The following PTPN13 variants were observed in gnomAD, a reference collection of about 807,000 sequenced individuals.
The protein encoded by PTPN13 is protein tyrosine phosphatase non-receptor type 13.
Under a neutral mutation model 284.0 loss-of-function variants are expected in PTPN13, and 191 were observed. The ratio of observed to expected loss-of-function variants is 0.67; its 90% CI spans 0.60 to 0.76. The LOEUF (loss-of-function observed/expected upper bound fraction) is 0.76. Ranked by LOEUF, PTPN13 falls within the 30% of genes least tolerant of loss-of-function variation. The probability of loss-of-function intolerance (pLI) is 0.00; values close to 1 mark genes in which losing one functional copy is unlikely to be tolerated. For missense variants in PTPN13, 2,797 were observed against 2,939.9 expected (o/e 0.95, Z 1.12); for synonymous variants, 986 against 1,022.3 (o/e 0.96, Z 0.68).
intron 23 of PTPN13, among the ~76,000 whole-genome samples, chr4:86,760,969 T>C (rs1738599153): frequency 6.6e-6 from 1 of 151,690 alleles, no homozygotes; most frequent in Non-Finnish European, 1.5e-5. Context: ...TGTTTGCTAA[T>C]TTTTAAAGTT....
chr4:86,595,851 G>C (rs1763704204), intron 1 of PTPN13: 1 of 725,614 alleles, frequency 1.4e-6, no homozygotes, highest in African/African-American at 1.9e-5. Context: ...AGGATGGGGG[G>C]GGGAGTAAAA....
At chr4:86,784,671 G>A in intron 38 of PTPN13, 113 bp downstream of exon 38, 2 of 663,570 alleles carry the variant, frequency 3.0e-6, no homozygotes, top group East Asian at 3.0e-5. Context: ...AGCTTTAAAG[G>A]GAAAGATTAT....
chr4:86,596,162 A>T (rs1336073164), intron 1 of PTPN13, among the ~76,000 whole-genome samples: 1 of 152,112 alleles, frequency 6.6e-6, no homozygotes, highest in Non-Finnish European at 1.5e-5. Context: ...TGGGGAGAGG[A>T]TAGGATGGAA....
intron 45 of PTPN13, 149 bp from the exon 46 acceptor site, chr4:86,809,620 G>A: frequency 1.5e-6 from 1 of 649,934 alleles, no homozygotes; most frequent in Non-Finnish European, 2.7e-6. Flanking sequence ...GAACCTGGGA[G>A]GCGGAGGCTG....
At chr4:86,699,533 A>G (rs1012262032) in intron 6 of PTPN13, among the ~76,000 whole-genome samples, 2 of 152,234 alleles carry the variant, frequency 1.3e-5, no homozygotes, top group African/African-American at 2.4e-5. Flanking sequence ...AATGTGGAGA[A>G]TGAGGAAAAG....
chr4:86,700,589 T>G (rs1390382364), intron 6 of PTPN13, among the ~76,000 whole-genome samples: 2 of 152,136 alleles, frequency 1.3e-5, no homozygotes, highest in African/African-American at 4.8e-5. Context: ...GGAAAAAACT[T>G]TTTTAGTGCA....
At chr4:86,744,291 A>C (rs1448836697) in intron 16 of PTPN13, among the ~76,000 whole-genome samples, 1 of 152,186 alleles carries the variant, frequency 6.6e-6, no homozygotes, top group African/African-American at 2.4e-5. Flanking sequence ...TTAATAAAAA[A>C]ATTATTGTTA....
chr4:86,748,888 C>T (rs1169667376), intron 17 of PTPN13, among the ~76,000 whole-genome samples: 6 of 152,168 alleles, frequency 3.9e-5, no homozygotes, highest in African/African-American at 1.4e-4. Flanking sequence ...ATCTCCTGAC[C>T]TCATGATCCG....
chr4:86,630,344 T>C (rs1310547523), intron 1 of PTPN13, among the ~76,000 whole-genome samples: 1 of 152,188 alleles, frequency 6.6e-6, no homozygotes, highest in Non-Finnish European at 1.5e-5. Context: ...AAGGGTCTCT[T>C]GTATGTTCCA....
chr4:86,705,333 C>CAAAAAAAAAA (rs759784072), intron 7 of PTPN13, among the ~76,000 whole-genome samples: 16 of 95,300 alleles, frequency 1.7e-4, no homozygotes, highest in African/African-American at 4.4e-4. Context: ...GACTCCGTCT[C>CAAAAAAAAAA]AAAAAAAAAA....
intron 15 of PTPN13, among the ~76,000 whole-genome samples, chr4:86,738,618 T>C (rs1165631645): frequency 6.6e-6 from 1 of 152,222 alleles, no homozygotes; most frequent in East Asian, 1.9e-4. Flanking sequence ...ACAAGTCTTT[T>C]ATCAGATATG....
intron 2 of PTPN13, among the ~76,000 whole-genome samples, chr4:86,651,043 G>C (rs546933967): frequency 6.6e-6 from 1 of 152,252 alleles, no homozygotes; most frequent in Admixed American, 6.5e-5. Flanking sequence ...TATAATACTA[G>C]CTGTGAGTTT....
At chr4:86,755,550 A>G (rs1428427123) in intron 20 of PTPN13, among the ~76,000 whole-genome samples, 1 of 152,084 alleles carries the variant, frequency 6.6e-6, no homozygotes, top group Non-Finnish European at 1.5e-5. Flanking sequence ...CGAACTATAG[A>G]TGGTCACCGA....
intron 43 of PTPN13, among the ~76,000 whole-genome samples, chr4:86,804,962 T>C (rs1231689130): frequency 6.6e-6 from 1 of 152,200 alleles, no homozygotes; most frequent in South Asian, 2.1e-4. Context: ...CTCATCACTT[T>C]ATGGCAGAGT....
In PTPN13 at chr4:86,755,196, G is replaced by A. The variant is rs137890617; in HGVS notation, c.3223+2131G>A. Among the ~76,000 whole-genome samples, 492 of 151,830 alleles carry A rather than the reference G, an allele frequency of 3.2e-3. 3 individuals are homozygous for A. The highest frequency in any genetic ancestry group is 9.9e-3 in the African/African-American group (411 of 41,430). The stretch of plus-strand genomic sequence containing the variant: ...GAACAAGGATGAATGTATTATATTC[G>A]CTCTTACCTTTTATGGCCTCCAGAG... On this transcript the variant is annotated intron_variant, in intron 20 of 47. Transcript: ENST00000411767.
intron 10 of PTPN13, among the ~76,000 whole-genome samples, chr4:86,730,387 TG>T (rs1441767248): frequency 1.3e-5 from 2 of 149,870 alleles, no homozygotes; most frequent in Non-Finnish European, 3.0e-5. Context: ...TGCTTCCTTT[TG>T]TTCAGCTATG....
At chr4:86,715,807 G>C (rs957059819) in intron 7 of PTPN13, among the ~76,000 whole-genome samples, 1 of 152,198 alleles carries the variant, frequency 6.6e-6, no homozygotes, top group African/African-American at 2.4e-5. Context: ...ACAGGTAGTA[G>C]TTCAGGAGTG....
At chr4:86,801,039 A>C (rs573236413) in intron 42 of PTPN13, among the ~76,000 whole-genome samples, 10 of 152,316 alleles carry the variant, frequency 6.6e-5, no homozygotes, top group Non-Finnish European at 1.0e-4. Flanking sequence ...TAATCAGCTG[A>C]TTGACATAAT....
rs77649845 is a variant in PTPN13 at position 86,669,440 on chromosome 4, G to A, written c.116-2925G>A. Among the ~76,000 whole-genome samples, 931 of 151,626 alleles carry A rather than the reference G, an allele frequency of 6.1e-3. 14 individuals carry two copies. Among genetic ancestry groups the A allele is most frequent in the African/African-American group, 0.021 (871 of 41,324 alleles). On this transcript the variant is annotated intron_variant, in intron 2 of 47. Coordinates refer to ENST00000411767, the MANE Select transcript of PTPN13 (RefSeq NM_080683.3). ...TATGTACCAAAACATTACACTGTAC[G>A]CTATAAATAAGTATGATTATATGTC...
Sources: gnomAD v4.1 joint callset for allele counts (sites outside exome capture counted in the v4.1 genomes callset) on GRCh38, gnomAD v4.1.1 for gene constraint, MANE v1.5 for transcripts, NCBI Gene and HGNC (gene_info 2026-07-23, HGNC 2026-07-21) for gene names.